PRRX1: variants seen among roughly 807,000 people sequenced by gnomAD.
PRRX1 encodes the protein paired related homeobox 1.
Under a neutral mutation model 24.0 loss-of-function variants are expected in PRRX1, and 8 were observed. The observed-to-expected ratio is 0.33, with a 90% CI of 0.20 to 0.60. The LOEUF is 0.60. PRRX1 is among the 20% of genes least tolerant of loss of function. The pLI is 0.82. For missense variants in PRRX1, 281 were observed against 322.4 expected (o/e 0.87, Z 0.98); for synonymous variants, 160 against 131.7 (o/e 1.22, Z -1.47).
At chr1:170,732,885 A>G (rs1460965245) in intron 3 of PRRX1, among the ~76,000 whole-genome samples, 1 of 152,190 alleles carries the variant, frequency 6.6e-6, no homozygotes, top group Non-Finnish European at 1.5e-5. Context: ...GGATACCTAT[A>G]AGGCATTGTC....
At chr1:170,720,727 G>A (rs185747604) in intron 2 of PRRX1, among the ~76,000 whole-genome samples, 1 of 152,266 alleles carries the variant, frequency 6.6e-6, no homozygotes, top group African/African-American at 2.4e-5. Flanking sequence ...TTAAGTGGAT[G>A]ATTTTATTTT....
At chr1:170,668,968 G>A (rs1360113169) in intron 1 of PRRX1, 1 of 152,188 alleles carries the variant, frequency 6.6e-6, no homozygotes, top group African/African-American at 2.4e-5. Flanking sequence ...GTCAAGGCCA[G>A]CCAAGAGGTG....
chr1:170,723,440 A>C (rs1173530178), intron 2 of PRRX1, among the ~76,000 whole-genome samples: 4 of 148,572 alleles, frequency 2.7e-5, no homozygotes, highest in African/African-American at 1.1e-4. Context: ...TGATCTGCTT[A>C]AAAGCAGAGA....
chr1:170,676,073 A>G (rs954863971), intron 1 of PRRX1, among the ~76,000 whole-genome samples: 4 of 152,226 alleles, frequency 2.6e-5, no homozygotes, highest in African/African-American at 7.2e-5. Context: ...GATCAGGGGA[A>G]GACCACAGGC....
intron 3 of PRRX1, chr1:170,728,450 A>G (rs1435389385): frequency 1.3e-5 from 2 of 152,170 alleles, no homozygotes; most frequent in Non-Finnish European, 2.9e-5. Flanking sequence ...TTGTGATTAG[A>G]GTTCAATGTT....
intron 3 of PRRX1, chr1:170,730,217 C>A: frequency 1.4e-6 from 2 of 1,392,998 alleles, no homozygotes; most frequent in Non-Finnish European, 2.0e-6. Flanking sequence ...GGTCATGGTG[C>A]TGCCTGACAT....
intron 1 of PRRX1, among the ~76,000 whole-genome samples, chr1:170,711,294 G>C (rs1654739781): frequency 6.6e-6 from 1 of 152,124 alleles, no homozygotes; most frequent in African/African-American, 2.4e-5. Context: ...TACTGTGATG[G>C]AAAGCTAATT....
At chr1:170,721,248 C>T (rs939684742) in intron 2 of PRRX1, among the ~76,000 whole-genome samples, 1 of 152,218 alleles carries the variant, frequency 6.6e-6, no homozygotes, top group East Asian at 1.9e-4. Context: ...TAGCAAGATG[C>T]TGTTTTGATA....
intron 1 of PRRX1, among the ~76,000 whole-genome samples, chr1:170,692,741 TCACACACA>T (rs1553252913): frequency 1.4e-5 from 2 of 139,508 alleles, no homozygotes; most frequent in Non-Finnish European, 3.1e-5. Context: ...TCTCTCTCTC[TCACACACA>T]CACACACACA....
At chr1:170,708,323 CT>C (rs887051852) in intron 1 of PRRX1, among the ~76,000 whole-genome samples, 68 of 150,474 alleles carry the variant, frequency 4.5e-4, no homozygotes, top group Middle Eastern at 6.9e-3. Flanking sequence ...CCAAATGTAA[CT>C]TTTTTTTTTC....
Position 170,719,920 on chromosome 1 carries a change from G to T in PRRX1, c.417+19G>T, listed in dbSNP as rs776646833. On this transcript the variant is annotated intron_variant, in intron 2 of 3. Transcript: ENST00000239461. ...AGTGCAGGTAACTCAAGCTGTGAGA[G>T]GCTGGCACCAAGTAGTACCCTCCTC... is the stretch of plus-strand genomic sequence containing the variant. 1 of 1,613,332 alleles carries T rather than the reference G, an allele frequency of 6.2e-7. No individual in the cohort carries two copies. The highest frequency in any genetic ancestry group is 8.5e-7 in the Non-Finnish European group (1 of 1,179,802).
intron 1 of PRRX1, among the ~76,000 whole-genome samples, chr1:170,693,678 G>A (rs1394761005): frequency 6.6e-6 from 1 of 152,102 alleles, no homozygotes; most frequent in Admixed American, 6.6e-5. Flanking sequence ...AGTGTGGATA[G>A]TATGATGGAA....
chr1:170,716,101 C>A lies in PRRX1; in HGVS notation c.242-3625C>A, dbSNP rs1175060362. Among the ~76,000 whole-genome samples, 3 of 152,178 alleles carry A rather than the reference C, an allele frequency of 2.0e-5. No individual in the cohort carries two copies. In the East Asian group the frequency reaches 5.8e-4, roughly 29 times the overall value. On this transcript the variant is annotated intron_variant, in intron 1 of 3. Transcript: ENST00000239461. ...ATAAGATGGTTGAATTCGACAATTT[C>A]ATGGGTTTCATTAGATGCCAATATT...
intron 2 of PRRX1, among the ~76,000 whole-genome samples, chr1:170,721,413 G>A (rs775036325): frequency 4.6e-5 from 7 of 152,130 alleles, no homozygotes; most frequent in South Asian, 4.1e-4. Context: ...CTAGCCCATC[G>A]ATTAGGGCCT....
chr1:170,727,578 C>T (rs1655295612), intron 3 of PRRX1: 2 of 152,164 alleles, frequency 1.3e-5, no homozygotes, highest in South Asian at 4.1e-4. Context: ...AAGTGTTTTT[C>T]AAAGGTTCTT....
chr1:170,717,404 G>T (rs1654937725), intron 1 of PRRX1, among the ~76,000 whole-genome samples: 1 of 152,212 alleles, frequency 6.6e-6, no homozygotes, highest in Non-Finnish European at 1.5e-5. Context: ...CTTGATTGCA[G>T]TTGGCAGTAC....
chr1:170,711,463 T>A (rs574421093), intron 1 of PRRX1, among the ~76,000 whole-genome samples: 4 of 152,336 alleles, frequency 2.6e-5, no homozygotes, highest in African/African-American at 9.6e-5. Flanking sequence ...ATCACTCCTG[T>A]CCTTCTAAGA....
intron 1 of PRRX1, among the ~76,000 whole-genome samples, chr1:170,664,981 G>T (rs765025252): frequency 3.9e-5 from 6 of 152,240 alleles, no homozygotes; most frequent in Non-Finnish European, 8.8e-5. Flanking sequence ...TCTCCACGCG[G>T]GCACCGTAAG....
chr1:170,674,858 C>A (rs193029310), intron 1 of PRRX1, among the ~76,000 whole-genome samples: 245 of 152,252 alleles, frequency 1.6e-3, no homozygotes, highest in Non-Finnish European at 2.8e-3. Flanking sequence ...TATCAAGACA[C>A]CAATTTTTCA....
Sources: gnomAD v4.1 joint callset for allele counts (sites outside exome capture counted in the v4.1 genomes callset) on GRCh38, gnomAD v4.1.1 for gene constraint, MANE v1.5 for transcripts, NCBI Gene and HGNC (gene_info 2026-07-23, HGNC 2026-07-21) for gene names.